Variants in CYP2W1 observed in about 807,000 individuals in gnomAD.
CYP2W1 encodes the protein cytochrome P450 2W1.
In CYP2W1, 51 loss-of-function variants were observed where a neutral mutation model predicts 44.9. The ratio of observed to expected loss-of-function variants is 1.14; its 90% CI spans 0.91 to 1.43. The LOEUF (loss-of-function observed/expected upper bound fraction) is 1.43, where lower values mean the gene tolerates loss of function less well. Among genes scored for constraint, CYP2W1 ranks in the 40% most tolerant of loss-of-function variants. CYP2W1 has a pLI of 0.00. For synonymous variants in CYP2W1, 383 were observed against 338.3 expected, an observed-to-expected ratio of 1.13 and a Z score of -1.45; for missense variants, 746 against 700.0, an observed-to-expected ratio of 1.07 and a Z score of -0.74.
chr7:987,589 T>C, intron 7 of CYP2W1, 58 bp downstream of exon 7: 1 of 1,424,796 alleles, frequency 7.0e-7, no homozygotes, highest in Non-Finnish European at 9.3e-7. Context: ...TCGGCGGGGG[T>C]CCAGGGGCAC....
chr7:985,358 G>A, intron 4 of CYP2W1, 35 bp downstream of exon 4: 1 of 1,538,710 alleles, frequency 6.5e-7, no homozygotes, highest in Non-Finnish European at 8.8e-7. Flanking sequence ...GGGTGGGGTG[G>A]AGCCTGGAGT....
At chr7:985,758 A>G (rs2128123072) in intron 4 of CYP2W1, among the ~76,000 whole-genome samples, 1 of 152,302 alleles carries the variant, frequency 6.6e-6, no homozygotes, top group South Asian at 2.1e-4. Context: ...TAGCTTCAAA[A>G]TGTAAAGATC....
chr7:986,659 C>T lies in CYP2W1; in HGVS notation c.681C>T (p.Leu227=). ...TCTACCCATGGCTCGGGGCCCTGCTCCAGCTGCACCGGCCCGTCCTGCGCA... is the reference window on the plus strand; with the variant it reads ...TCTACCCATGGCTCGGGGCCCTGCTTCAGCTGCACCGGCCCGTCCTGCGCA... ...FNVYPWLGAL[L]QLHRPVLRKI... The change falls in exon 5 of 9, where the codon CTC becomes CTT. Residue 227 remains leucine, a synonymous_variant. Coordinates refer to ENST00000308919, the MANE Select transcript of CYP2W1 (RefSeq NM_017781.3). 1 of 1,612,726 alleles carries T rather than the reference C, an allele frequency of 6.2e-7. No individual in the cohort carries two copies. The highest frequency in any genetic ancestry group is 8.5e-7 in the Non-Finnish European group (1 of 1,179,904).
Position 984,026 on chromosome 7 carries a change from G to T in CYP2W1, c.175-386G>T, listed in dbSNP as rs571112928. Among the ~76,000 whole-genome samples the T allele has an allele frequency of 9.7e-3, 1,475 of 152,276 alleles. 16 individuals carry two copies. The highest frequency in any genetic ancestry group is 0.015 in the Non-Finnish European group (1,045 of 68,006). On this transcript the variant is annotated intron_variant, in intron 1 of 8. Coordinates refer to ENST00000308919, the MANE Select transcript of CYP2W1 (RefSeq NM_017781.3). ...TGCTGGCCGGGCTGTAGCCGAAGAC[G>T]GATCAGGGTCTCTGGGGGCCGAGCC...
intron 1 of CYP2W1, among the ~76,000 whole-genome samples, chr7:984,083 C>T (rs1848133726): frequency 6.6e-6 from 1 of 152,206 alleles, no homozygotes; most frequent in Admixed American, 6.5e-5. Context: ...AGACTCTGGC[C>T]TTTCAGAATG....
chr7:986,823 G>A (rs1361200174), intron 5 of CYP2W1, 26 bp downstream of exon 5: 1 of 1,508,168 alleles, frequency 6.6e-7, no homozygotes, highest in Admixed American at 2.1e-5. Flanking sequence ...AGACCTCCTT[G>A]AAGGCCTGTA....
Position 985,056 on chromosome 7 carries a change from G to A in CYP2W1, c.444G>A (p.Leu148=), listed in dbSNP as rs1220559934. 2 of 1,612,514 alleles carry A rather than the reference G, an allele frequency of 1.2e-6. No homozygotes were observed. Among genetic ancestry groups the A allele is most frequent in the South Asian group, 2.2e-5 (2 of 91,070 alleles). Residue 148 remains leucine, a synonymous_variant, in exon 3 of 9, where the codon CTG becomes CTA. Coordinates refer to ENST00000308919, the MANE Select transcript of CYP2W1 (RefSeq NM_017781.3). The stretch of plus-strand genomic sequence containing the variant: ...GGGAGCCGGTGGCTGACAAGATTCT[G>A]CAGGAGCTGAAATGCCTCTCTGGGC... ...VGREPVADKI[L]QELKCLSGQL...
Position 989,115 on chromosome 7 carries a change from A to C in CYP2W1, c.*293A>C. On this transcript the variant is annotated 3_prime_UTR_variant, in exon 9 of 9. Coordinates refer to ENST00000308919, the MANE Select transcript of CYP2W1 (RefSeq NM_017781.3). ...CTCCCACCCCTGAAGCTGCACTCCC[A>C]CCCACCTAGCTCCCCCCAGGGCCCC... 2 of 394,526 alleles carry C rather than the reference A, an allele frequency of 5.1e-6. No homozygotes were observed. Among genetic ancestry groups the C allele is most frequent in the Non-Finnish European group, 9.0e-6 (2 of 223,370 alleles). 24.4% of individuals were successfully genotyped at this position (394,526 alleles called of 1,614,324 possible).
chr7:985,112 C>G lies in CYP2W1; in HGVS notation c.487+13C>G. 6.2e-7 allele frequency: 1 copy of G among 1,609,738 alleles called. No individual in the cohort carries two copies. Among genetic ancestry groups the G allele is most frequent in the East Asian group, 2.2e-5 (1 of 44,798 alleles). ...GATGGCTACAGAGGTGAGCAGGGGG[C>G]CGGGGACGCCCCTCCCCGGGCCTGG... On this transcript the variant is annotated intron_variant, in intron 3 of 8. Transcript: ENST00000308919.
rs140162489 is a variant in CYP2W1, at chr7:985,242, T to C, written c.564T>C (p.Phe188=). 2.6e-6 allele frequency: 4 copies of C among 1,552,602 alleles called. No individual in the cohort carries two copies. Among genetic ancestry groups the C allele is most frequent in the Non-Finnish European group, 3.5e-6 (4 of 1,147,828 alleles). Reference sequence around the variant, plus strand: ...TCGCGCTCCTCTTCGGCCGCCGATTTGACTACCGGGACCCCGTGTTTGTGT... The same window carrying C: ...TCGCGCTCCTCTTCGGCCGCCGATTCGACTACCGGGACCCCGTGTTTGTGT... ...ITFALLFGRR[F]DYRDPVFVSL... is the part of the protein sequence containing the mutation. The change falls in exon 4 of 9, where the codon TTT becomes TTC. Residue 188 remains phenylalanine (F), a synonymous_variant. Coordinates refer to ENST00000308919, the MANE Select transcript of CYP2W1 (RefSeq NM_017781.3).
In CYP2W1 at chr7:985,172, C is replaced by A. The variant is rs755015779; in HGVS notation, c.494C>A (p.Pro165His). 2.5e-6 allele frequency: 4 copies of A among 1,579,946 alleles called. No individual in the cohort carries two copies. In the East Asian group the frequency reaches 6.9e-5, roughly 27 times the overall value. Reference sequence around the variant, plus strand: ...AGGCCCGTCTCCCTCGCAGGCCGGCCCTTCCCGCTGGCCCTACTGGGCTGG... The same window carrying A: ...AGGCCCGTCTCCCTCGCAGGCCGGCACTTCCCGCTGGCCCTACTGGGCTGG... ...SGQLDGYRGR[P>H]FPLALLGWAP... Residue 165 changes from proline to histidine, a missense_variant, in exon 4 of 9, where the codon CCC (proline) becomes CAC (histidine). Pro to His is a moderately conservative substitution (Grantham distance 77, BLOSUM62 -2). Coordinates refer to ENST00000308919, the MANE Select transcript of CYP2W1 (RefSeq NM_017781.3).
rs1033452623 is a variant in CYP2W1, at chr7:989,338, G to C, written c.*516G>C. On this transcript the variant is annotated 3_prime_UTR_variant, in exon 9 of 9. Coordinates refer to ENST00000308919, the MANE Select transcript of CYP2W1 (RefSeq NM_017781.3). ...CAGTCGGCCTGCAGTGCCAGACTCTGAGCCAAGCCACTGGGGCCATGCGTA... is the reference window on the plus strand; with the variant it reads ...CAGTCGGCCTGCAGTGCCAGACTCTCAGCCAAGCCACTGGGGCCATGCGTA... 6.3e-6 allele frequency: 1 copy of C among 159,828 alleles called. No individual in the cohort carries two copies. The highest frequency in any genetic ancestry group is 2.4e-5 in the African/African-American group (1 of 41,628). 9.9% of individuals were successfully genotyped at this position (159,828 alleles called of 1,614,324 possible). A position where few individuals can be genotyped will look rare whatever the true frequency, so the allele number is the denominator to read the frequency against.
At chr7:987,307 G>T in intron 6 of CYP2W1, 40 bp from the exon 7 acceptor site, 1 of 1,531,936 alleles carries the variant, frequency 6.5e-7, no homozygotes, top group East Asian at 2.4e-5. Context: ...CAGGGACGAG[G>T]GATGGCGCTG....
At position 986,662 on chromosome 7, in the gene CYP2W1, G is replaced by C. The variant is rs1335362249; in HGVS notation, c.684G>C (p.Gln228His). The C allele has an allele frequency of 2.5e-6, 4 of 1,612,708 alleles. No homozygotes were observed. The highest frequency in any genetic ancestry group is 1.1e-5 in the South Asian group (1 of 91,074). The change falls in exon 5 of 9, where the codon CAG becomes CAC. Residue 228 changes from glutamine (Q) to histidine (H), a missense_variant. Gln to His is a conservative substitution (Grantham distance 24). Transcript: ENST00000308919. Reference protein sequence around the residue: ...NVYPWLGALLQLHRPVLRKIE... With the variant: ...NVYPWLGALLHLHRPVLRKIE... ...ACCCATGGCTCGGGGCCCTGCTCCA[G>C]CTGCACCGGCCCGTCCTGCGCAAGA...
chr7:987,452 A>AGCGGTTCATC lies in CYP2W1; in HGVS notation c.1065_1074dup (p.Thr359AlafsTer41). On this transcript the variant is annotated frameshift_variant, in exon 7 of 9. Transcript: ENST00000308919. LOFTEE classifies it high-confidence loss of function. The stretch of plus-strand genomic sequence containing the variant: ...ACAAGCGCCGTGCTCCACGAGGTGC[A>AGCGGTTCATC]GCGGTTCATCACGCTCCTGCCGCAC... 1 of 1,580,480 alleles carries AGCGGTTCATC rather than the reference A, an allele frequency of 6.3e-7. No individual in the cohort carries two copies. The highest frequency in any genetic ancestry group is 8.5e-7 in the Non-Finnish European group (1 of 1,171,248).
Position 986,767 on chromosome 7 carries a change from C to T in CYP2W1, c.789C>T (p.Ser263=), listed in dbSNP as rs1052235173. 217 of 1,595,398 alleles carry T rather than the reference C, an allele frequency of 1.4e-4. No individual in the cohort carries two copies. Among genetic ancestry groups the T allele is most frequent in the Non-Finnish European group, 1.8e-4 (209 of 1,170,556 alleles). The change falls in exon 5 of 9, where the codon AGC becomes AGT. Residue 263 remains serine, a synonymous_variant. Coordinates refer to ENST00000308919, the MANE Select transcript of CYP2W1 (RefSeq NM_017781.3). The part of the protein sequence containing the change: ...PHVCPGDPVC[S]YVDALIQQGQ... Reference sequence around the variant, plus strand: ...TGTGCCCGGGGGACCCCGTGTGCAGCTATGTGGACGCCCTGATCCAGCAGG... The same window carrying T: ...TGTGCCCGGGGGACCCCGTGTGCAGTTATGTGGACGCCCTGATCCAGCAGG...
intron 7 of CYP2W1, among the ~76,000 whole-genome samples, chr7:987,933 T>TGGGGGGGTTCCCCTGTGTGTCCTG (rs1848505086): frequency 7.4e-6 from 1 of 135,684 alleles, no homozygotes; most frequent in African/African-American, 3.0e-5. Context: ...CTGTGTGTCC[T>TGGGGGGGTTCCCCTGTGTGTCCTG]GGGGGGGTCC....
chr7:987,143 G>T lies in CYP2W1; in HGVS notation c.856G>T (p.Ala286Ser). The change falls in exon 6 of 9, where the codon GCG (alanine) becomes TCG (serine). Residue 286 changes from alanine to serine, a missense_variant. Coordinates refer to ENST00000308919, the MANE Select transcript of CYP2W1 (RefSeq NM_017781.3). ...CGAGGGCCTGTTTGCTGAGGCCAACGCGGTGGCCTGCACCCTGGACATGGT... is the reference window on the plus strand; with the variant it reads ...CGAGGGCCTGTTTGCTGAGGCCAACTCGGTGGCCTGCACCCTGGACATGGT... ...DPEGLFAEAN[A>S]VACTLDMVMA... 6.4e-7 allele frequency: 1 copy of T among 1,573,292 alleles called. No individual in the cohort carries two copies.
At position 987,238 on chromosome 7, in the gene CYP2W1, C is replaced by A; in HGVS notation, c.951C>A (p.Asp317Glu). 6.5e-7 allele frequency: 1 copy of A among 1,530,752 alleles called. No homozygotes were observed. Among genetic ancestry groups the A allele is most frequent in the Non-Finnish European group, 8.8e-7 (1 of 1,138,108 alleles). The allele number at this position is 1,530,752 out of a possible 1,614,324, so 94.8% of individuals were successfully genotyped here. The change falls in exon 6 of 9, where the codon GAC becomes GAA. Residue 317 changes from aspartate to glutamate, a missense_variant. Asp to Glu is a conservative substitution (Grantham distance 45). Transcript: ENST00000308919. The part of the protein sequence containing the change: ...WAALLMGRHP[D>E]VQGRVQEELD... Reference sequence around the variant, plus strand: ...CACTTCTGATGGGCCGGCACCCGGACGTGCAGGGTGAGACCCCGGCGCCTG... The same window carrying A: ...CACTTCTGATGGGCCGGCACCCGGAAGTGCAGGGTGAGACCCCGGCGCCTG...
Sources: allele counts gnomAD v4.1 joint callset (sites outside exome capture counted in the v4.1 genomes callset), GRCh38; gene constraint gnomAD v4.1.1; transcripts MANE v1.5; gene names NCBI Gene and HGNC (gene_info 2026-07-23, HGNC 2026-07-21).